The following EPM2A variants were observed in gnomAD, a reference collection of about 807,000 sequenced individuals.
EPM2A encodes laforin.
In EPM2A, 21 loss-of-function variants were observed where a neutral mutation model predicts 26.5. That is an observed-to-expected ratio of 0.79 (90% CI 0.56 to 1.14). The LOEUF (loss-of-function observed/expected upper bound fraction) is 1.14. EPM2A is among the 50% of genes most tolerant of loss of function. The pLI is 0.00. For missense variants in EPM2A, 458 were observed against 440.8 expected (o/e 1.04, Z -0.35); for synonymous variants, 217 against 177.6 (o/e 1.22, Z -1.76).
At chr6:145,451,077 T>C (rs974698137) in intron 4 of EPM2A, among the ~76,000 whole-genome samples, 2 of 152,184 alleles carry the variant, frequency 1.3e-5, no homozygotes, top group African/African-American at 4.8e-5. Context: ...CAACTGGTAG[T>C]ACTTGTTGTC....
intron 2 of EPM2A, among the ~76,000 whole-genome samples, chr6:145,509,721 A>G (rs1444282719): frequency 6.6e-6 from 1 of 152,128 alleles, no homozygotes; most frequent in South Asian, 2.1e-4. Context: ...AAGGAACAAA[A>G]CCACTATATC....
chr6:145,618,249 G>T (rs1310396439), intron 2 of EPM2A, among the ~76,000 whole-genome samples: 1 of 152,168 alleles, frequency 6.6e-6, no homozygotes, highest in Admixed American at 6.5e-5. Flanking sequence ...AGGATTCCAG[G>T]CAGAGGAAAA....
At chr6:145,502,186 C>A (rs1779899486) in intron 3 of EPM2A, among the ~76,000 whole-genome samples, 1 of 152,168 alleles carries the variant, frequency 6.6e-6, no homozygotes, top group South Asian at 2.1e-4. Context: ...AAAGGAAAGG[C>A]AACTGTGAAG....
At chr6:145,424,039 A>T (rs1356235450) in intron 4 of EPM2A, among the ~76,000 whole-genome samples, 1 of 152,182 alleles carries the variant, frequency 6.6e-6, no homozygotes, top group East Asian at 1.9e-4. Context: ...AGTACTGCCT[A>T]AACTAAGTGA....
intron 4 of EPM2A, chr6:145,490,190 G>C: frequency 9.6e-7 from 1 of 1,037,888 alleles, no homozygotes; most frequent in Non-Finnish European, 1.4e-6. Flanking sequence ...CTCTGAAATA[G>C]TGTCACTGAG....
chr6:145,597,937 G>C (rs1035289908), intron 2 of EPM2A, among the ~76,000 whole-genome samples: 1 of 152,164 alleles, frequency 6.6e-6, no homozygotes, highest in African/African-American at 2.4e-5. Context: ...GTATTCCGTG[G>C]TATGTATGTA....
intron 2 of EPM2A, among the ~76,000 whole-genome samples, chr6:145,603,549 C>T (rs559036221): frequency 6.6e-6 from 1 of 152,326 alleles, no homozygotes; most frequent in Admixed American, 6.5e-5. Flanking sequence ...TATCTCCTGG[C>T]ATGTAGCAGG....
intron 1 of EPM2A, among the ~76,000 whole-genome samples, chr6:145,710,177 G>C (rs907148262): frequency 9.9e-5 from 15 of 152,002 alleles, no homozygotes; most frequent in Admixed American, 9.8e-4. Flanking sequence ...AGAGTGAACA[G>C]GCAACCTACA....
chr6:145,475,730 A>T (rs1779534188), intron 4 of EPM2A, among the ~76,000 whole-genome samples: 1 of 152,072 alleles, frequency 6.6e-6, no homozygotes, highest in South Asian at 2.1e-4. Flanking sequence ...ATCAGGTTAA[A>T]ATAATAAGTT....
At chr6:145,391,039 A>T (rs1009064262) in intron 4 of EPM2A, among the ~76,000 whole-genome samples, 3 of 152,116 alleles carry the variant, frequency 2.0e-5, no homozygotes, top group Non-Finnish European at 4.4e-5. Flanking sequence ...AGGCAGTTTG[A>T]GAAATCAAAG....
chr6:145,425,768 C>A (rs1582745721), intron 4 of EPM2A, among the ~76,000 whole-genome samples: 2 of 152,262 alleles, frequency 1.3e-5, no homozygotes, highest in Admixed American at 1.3e-4. Context: ...AGACACGTAG[C>A]CACTGGCTGT....
rs1246444790 is a variant in EPM2A, at chr6:145,510,406, T to A, written c.341-7831A>T. Among the ~76,000 whole-genome samples, 3 of 152,216 alleles carry A rather than the reference T, an allele frequency of 2.0e-5. No individual in the cohort carries two copies. In the South Asian group the frequency reaches 6.2e-4, roughly 32 times the overall value. On this transcript the variant is annotated intron_variant, in intron 2 of 3. Coordinates refer to the EPM2A transcript ENST00000450221. ...TACCAGCCATACTCTCCAACCACAA[T>A]GGAATACAAATAGAAATCAATACCA...
At chr6:145,537,317 G>A (rs1031935792) in intron 2 of EPM2A, among the ~76,000 whole-genome samples, 2 of 152,106 alleles carry the variant, frequency 1.3e-5, no homozygotes, top group South Asian at 2.1e-4. Flanking sequence ...TCAATCTCTC[G>A]AAACCAATAG....
At chr6:145,595,737 A>AT (rs940227889) in intron 2 of EPM2A, among the ~76,000 whole-genome samples, 174 of 152,032 alleles carry the variant, frequency 1.1e-3, no homozygotes, top group African/African-American at 4.0e-3. Context: ...TTTCCAGAGA[A>AT]TTTTTTTTGA....
intron 2 of EPM2A, among the ~76,000 whole-genome samples, chr6:145,516,104 C>A (rs1780122662): frequency 1.3e-5 from 2 of 152,152 alleles, no homozygotes; most frequent in Admixed American, 6.5e-5. Flanking sequence ...GTTACCATAT[C>A]CTTGGGAGAG....
chr6:145,562,172 C>T (rs1010969799), intron 2 of EPM2A, among the ~76,000 whole-genome samples: 8 of 148,520 alleles, frequency 5.4e-5, no homozygotes, highest in African/African-American at 1.5e-4. Context: ...TGTTGAATGG[C>T]TCAGTTCAAG....
At chr6:145,526,485 T>C (rs1780275361) in intron 2 of EPM2A, among the ~76,000 whole-genome samples, 1 of 152,084 alleles carries the variant, frequency 6.6e-6, no homozygotes, top group Non-Finnish European at 1.5e-5. Context: ...AATATTAATC[T>C]GTTCAAGATT....
chr6:145,616,716 A>T (rs1169346458), intron 2 of EPM2A, among the ~76,000 whole-genome samples: 1 of 152,246 alleles, frequency 6.6e-6, no homozygotes, highest in Non-Finnish European at 1.5e-5. Flanking sequence ...CGTGACCTGG[A>T]CATGAGACAT....
At chr6:145,516,237 G>A (rs1331162325) in intron 2 of EPM2A, among the ~76,000 whole-genome samples, 1 of 152,170 alleles carries the variant, frequency 6.6e-6, no homozygotes, top group Non-Finnish European at 1.5e-5. Flanking sequence ...GGACAGTAAA[G>A]CATCATAAAT....
Sources: gnomAD v4.1 joint callset for allele counts (sites outside exome capture counted in the v4.1 genomes callset) on GRCh38, gnomAD v4.1.1 for gene constraint, MANE v1.5 for transcripts, NCBI Gene and HGNC (gene_info 2026-07-23, HGNC 2026-07-21) for gene names.